The following MAEA variants were observed in gnomAD, a reference collection of about 807,000 sequenced individuals.
The protein encoded by MAEA is macrophage erythroblast attacher, E3 ubiquitin ligase.
Under a neutral mutation model 46.2 loss-of-function variants are expected in MAEA, and 22 were observed. The ratio of observed to expected loss-of-function variants is 0.48; its 90% CI spans 0.34 to 0.68. MAEA has a LOEUF of 0.68. Among genes scored for constraint, MAEA ranks in the 30% least tolerant of loss-of-function variants. MAEA has a pLI of 0.01. For synonymous variants in MAEA, 246 were observed against 222.6 expected (o/e 1.11, Z -0.94); for missense variants, 393 against 558.1 (o/e 0.70, Z 2.98).
At position 1,322,512 on chromosome 4, in the gene MAEA, A is replaced by G. The variant is rs1457298724; in HGVS notation, c.579+9A>G. On this transcript the variant is annotated intron_variant, in intron 4 of 8. Transcript: ENST00000303400. Reference sequence around the variant, plus strand: ...GGCTCCGGAAGATGAAGGTGCACGGACTCCCAGGTTGGGGTGGGAGTGGGT... The same window carrying G: ...GGCTCCGGAAGATGAAGGTGCACGGGCTCCCAGGTTGGGGTGGGAGTGGGT... The G allele has an allele frequency of 6.2e-7, 1 of 1,612,390 alleles. No homozygotes were observed. Among genetic ancestry groups the G allele is most frequent in the Non-Finnish European group, 8.5e-7 (1 of 1,179,590 alleles).
chr4:1,336,859 A>G lies in MAEA; in HGVS notation c.766-2A>G. 6.2e-7 allele frequency: 1 copy of G among 1,613,366 alleles called. No individual in the cohort carries two copies. The highest frequency in any genetic ancestry group is 8.5e-7 in the Non-Finnish European group (1 of 1,179,688). ...CAGGACCCTCTGCTCTCTGTCTTCC[A>G]GGACCTTCTGGACCCTGCACGGTGG... On this transcript the variant is annotated splice_acceptor_variant, in intron 6 of 8. Coordinates refer to ENST00000303400, the MANE Select transcript of MAEA (RefSeq NM_001017405.3). LOFTEE classifies it high-confidence loss of function.
rs568350416 is a variant in MAEA, at chr4:1,336,567, T to C, written c.766-294T>C. On this transcript the variant is annotated intron_variant, in intron 6 of 8. Coordinates refer to ENST00000303400, the MANE Select transcript of MAEA (RefSeq NM_001017405.3). The stretch of plus-strand genomic sequence containing the variant: ...AGTTCATACTGGCCTCGCAGTGTGT[T>C]GAAATCAGAGAGTTAAGTCAGCACT... Among the ~76,000 whole-genome samples the C allele has an allele frequency of 2.0e-5, 3 of 151,692 alleles. No homozygotes were observed. The East Asian group carries it at 5.8e-4, about 30-fold the overall frequency.
rs116351681 is a variant in MAEA at position 1,328,497 on chromosome 4, G to A, written c.656+794G>A. On this transcript the variant is annotated intron_variant, in intron 5 of 8. Transcript: ENST00000303400. ...CTGAGCGGCCAAGCCTTGCGGTGAC[G>A]CTTGAGTTGCTGTGTGGGGTGTGTG... is the stretch of plus-strand genomic sequence containing the variant. 1.4e-3 allele frequency: 754 copies of A among 555,460 alleles called. 4 individuals are homozygous for A. In the African/African-American group the frequency reaches 0.014, roughly 10 times the overall value. 34.4% of individuals were successfully genotyped at this position (555,460 alleles called of 1,614,324 possible). A position where few individuals can be genotyped will look rare whatever the true frequency, so the allele number is the denominator to read the frequency against.
intron 7 of MAEA, chr4:1,337,242 A>C (rs28493051): frequency 0.23 from 122,625 of 527,716 alleles, 18,586 homozygotes; most frequent in African/African-American, 0.53. Flanking sequence ...AGAGGCCGCC[A>C]TGGGCATTGA....
intron 4 of MAEA, among the ~76,000 whole-genome samples, chr4:1,323,902 G>C (rs530510642): frequency 6.6e-6 from 1 of 152,326 alleles, no homozygotes; most frequent in South Asian, 2.1e-4. Context: ...AGTGTGCCTG[G>C]TGTTGGATGA....
intron 4 of MAEA, among the ~76,000 whole-genome samples, chr4:1,326,558 C>A (rs1313603622): frequency 1.3e-5 from 2 of 152,156 alleles, no homozygotes; most frequent in African/African-American, 4.8e-5. Context: ...TTGGGCTTCC[C>A]TTAGGTGCAC....
chr4:1,309,584 A>C (rs536456368), intron 1 of MAEA: 1 of 1,496,860 alleles, frequency 6.7e-7, no homozygotes, highest in Non-Finnish European at 8.9e-7. Flanking sequence ...GAGGAGGAGC[A>C]GAGGCAGGGA....
chr4:1,295,270 CTGA>C (rs1444437696), intron 1 of MAEA, among the ~76,000 whole-genome samples: 1 of 152,126 alleles, frequency 6.6e-6, no homozygotes, highest in African/African-American at 2.4e-5. Flanking sequence ...GGGGTAACTG[CTGA>C]TGATTTTTAG....
chr4:1,297,882 T>C, intron 1 of MAEA: 2 of 417,060 alleles, frequency 4.8e-6, no homozygotes, highest in South Asian at 3.3e-5. Context: ...CCTCTTGCGT[T>C]TCCTTTCTCC....
rs1463430842 is a variant in MAEA, at chr4:1,311,675, T to C, written c.70-304T>C. On this transcript the variant is annotated intron_variant, in intron 1 of 8. Transcript: ENST00000303400. The surrounding 1 kb of genome is among the most constrained non-coding windows in gnomAD (Gnocchi z 4.4). ...CACACCCCGGTCACTCCTCTCCTGT[T>C]TGGAAATTTCTTTAACTGTTCGTTA... Among the ~76,000 whole-genome samples, 1 of 152,210 alleles carries C rather than the reference T, an allele frequency of 6.6e-6. No individual in the cohort carries two copies. Among genetic ancestry groups the C allele is most frequent in the East Asian group, 1.9e-4 (1 of 5,192 alleles).
At chr4:1,304,332 C>T (rs949678871) in intron 1 of MAEA, among the ~76,000 whole-genome samples, 1 of 152,050 alleles carries the variant, frequency 6.6e-6, no homozygotes, top group African/African-American at 2.4e-5. Flanking sequence ...GGGGGTGTCT[C>T]TATGTTGCCC....
At chr4:1,315,288 C>A in intron 2 of MAEA, 109 bp from the exon 3 acceptor site, 1 of 1,051,558 alleles carries the variant, frequency 9.5e-7, no homozygotes, top group South Asian at 1.5e-5. Flanking sequence ...GTCCCGTAAT[C>A]CCTGCTTTTC....
At chr4:1,329,855 G>A in intron 5 of MAEA, 1 of 985,588 alleles carries the variant, frequency 1.0e-6, no homozygotes, top group South Asian at 4.7e-5. Context: ...GCTCCAGGCA[G>A]GGCCCTCTCA....
At chr4:1,323,535 G>C (rs1378121301) in intron 4 of MAEA, 2 of 702,480 alleles carry the variant, frequency 2.8e-6, no homozygotes, top group African/African-American at 3.5e-5. Flanking sequence ...GGACGAAAAA[G>C]TAGAGCGGCT....
chr4:1,300,801 A>G (rs1735247386), intron 1 of MAEA, among the ~76,000 whole-genome samples: 1 of 152,246 alleles, frequency 6.6e-6, no homozygotes, highest in Non-Finnish European at 1.5e-5. Context: ...GCGCAACATC[A>G]ATCTGGTTAC....
chr4:1,339,053 A>C (rs1197401553), intron 8 of MAEA, 21 bp from the exon 9 acceptor site: 1 of 1,590,160 alleles, frequency 6.3e-7, no homozygotes, highest in Non-Finnish European at 8.6e-7. Context: ...GCCTTAATGC[A>C]TTCCCGGTTT....
At chr4:1,333,093 T>A (rs1712062751) in intron 6 of MAEA, among the ~76,000 whole-genome samples, 1 of 152,092 alleles carries the variant, frequency 6.6e-6, no homozygotes, top group African/African-American at 2.4e-5. Context: ...CCCAGCACTT[T>A]GGGAGGCTGA....
chr4:1,303,813 A>T (rs1283715181), intron 1 of MAEA, among the ~76,000 whole-genome samples: 1 of 151,930 alleles, frequency 6.6e-6, no homozygotes, highest in Admixed American at 6.6e-5. Flanking sequence ...ATTAAAAATG[A>T]CATTGGGATT....
At position 1,311,309 on chromosome 4, in the gene MAEA, G is replaced by T. The variant is rs1222883573; in HGVS notation, c.70-670G>T. Among the ~76,000 whole-genome samples the T allele has an allele frequency of 1.3e-5, 2 of 152,278 alleles. No homozygotes were observed. Among genetic ancestry groups the T allele is most frequent in the Non-Finnish European group, 2.9e-5 (2 of 68,046 alleles). ...TCTGTCGTGCCGCTTTCAAACCGTA[G>T]AGCACAGGAAACGGGCGGAGAAGAA... On this transcript the variant is annotated intron_variant, in intron 1 of 8. Coordinates refer to ENST00000303400, the MANE Select transcript of MAEA (RefSeq NM_001017405.3). The surrounding 1 kb of genome is among the most constrained non-coding windows in gnomAD (Gnocchi z 4.4).
Sources: gnomAD v4.1 joint callset for allele counts (sites outside exome capture counted in the v4.1 genomes callset) on GRCh38, gnomAD v4.1.1 for gene constraint, Gnocchi (gnomAD v3.1) non-coding constraint, MANE v1.5 for transcripts, NCBI Gene and HGNC (gene_info 2026-07-23, HGNC 2026-07-21) for gene names.